The following DERA variants were observed in gnomAD, a reference collection of about 807,000 sequenced individuals.
The protein encoded by DERA is deoxyribose-phosphate aldolase.
In DERA, 15 loss-of-function variants were observed where a neutral mutation model predicts 41.1. The observed-to-expected ratio is 0.37, with a 90% CI of 0.24 to 0.56. The LOEUF (loss-of-function observed/expected upper bound fraction) is 0.56. DERA is among the 20% of genes least tolerant of loss of function. DERA has a pLI of 0.81. For missense variants in DERA, 396 were observed against 403.4 expected, an observed-to-expected ratio of 0.98 and a Z score of 0.16; for synonymous variants, 139 against 137.4, an observed-to-expected ratio of 1.01 and a Z score of -0.08.
In DERA at chr12:15,954,982, T is replaced by A. The variant is rs1405622300; in HGVS notation, c.32-1954T>A. Among the ~76,000 whole-genome samples, 1 of 151,488 alleles carries A rather than the reference T, an allele frequency of 6.6e-6. No individual in the cohort carries two copies. Among genetic ancestry groups the A allele is most frequent in the Non-Finnish European group, 1.5e-5 (1 of 67,902 alleles). On this transcript the variant is annotated intron_variant, in intron 1 of 8. Transcript: ENST00000428559. This position sits in a 1 kb window ranked among gnomAD's most constrained non-coding sequence, Gnocchi z 4.0. Reference sequence around the variant, plus strand: ...TTTACCATGAACCAAATCAGCATTATCAATCATCTGAGGAGAAAAAAAAAA... The same window carrying A: ...TTTACCATGAACCAAATCAGCATTAACAATCATCTGAGGAGAAAAAAAAAA...
intron 6 of DERA, among the ~76,000 whole-genome samples, chr12:15,987,235 T>G (rs1462799082): frequency 1.5e-5 from 2 of 132,948 alleles, no homozygotes. Context: ...ATGTACTTTT[T>G]TTTTTTTTTT....
rs368286741 is a variant in DERA, at chr12:15,968,086, C to CTT, written c.508+5152_508+5153dup. Among the ~76,000 whole-genome samples, 500 of 141,884 alleles carry CTT rather than the reference C, an allele frequency of 3.5e-3. 5 individuals are homozygous for CTT. The highest frequency in any genetic ancestry group is 0.012 in the African/African-American group (448 of 38,614). The allele number at this position is 141,884 out of a possible 152,430, so 93.1% of individuals were successfully genotyped here. A position where few individuals can be genotyped will look rare whatever the true frequency, so the allele number is the denominator to read the frequency against. On this transcript the variant is annotated intron_variant, in intron 5 of 8. Coordinates refer to ENST00000428559, the MANE Select transcript of DERA (RefSeq NM_015954.4). ...TAACTCAGGACTCTTTCTTCTTCTT[C>CTT]TTTTTTTTTTTTTTGACATAATTCC...
In DERA at chr12:15,911,366, T is replaced by C. The variant is rs1948161533; in HGVS notation, c.-18T>C. 2 of 1,405,374 alleles carry C rather than the reference T, an allele frequency of 1.4e-6. No individual in the cohort carries two copies. The highest frequency in any genetic ancestry group is 9.2e-7 in the Non-Finnish European group (1 of 1,091,910). The allele number at this position is 1,405,374 out of a possible 1,614,324, so 87.1% of individuals were successfully genotyped here. A position where few individuals can be genotyped will look rare whatever the true frequency, so the allele number is the denominator to read the frequency against. On this transcript the variant is annotated 5_prime_UTR_variant, in exon 1 of 9. Transcript: ENST00000428559. This position sits in a 1 kb window ranked among gnomAD's most constrained non-coding sequence, Gnocchi z 4.5. ...AGGCGGGCGCCTACCAGCCGGCAGCTCCGGAGCTGCCCGCGCCATGTCCGC... is the reference window on the plus strand; with the variant it reads ...AGGCGGGCGCCTACCAGCCGGCAGCCCCGGAGCTGCCCGCGCCATGTCCGC...
chr12:15,971,386 TC>T (rs1948658451), intron 5 of DERA, among the ~76,000 whole-genome samples: 1 of 152,136 alleles, frequency 6.6e-6, no homozygotes, highest in Non-Finnish European at 1.5e-5. Context: ...GCAAATGAGT[TC>T]ATCTGGCAAA....
chr12:15,930,725 A>G (rs1432965183), intron 1 of DERA, among the ~76,000 whole-genome samples: 2 of 152,258 alleles, frequency 1.3e-5, no homozygotes, highest in South Asian at 4.1e-4. Context: ...AATAGTATGA[A>G]CTCACAAACT....
chr12:15,934,214 A>C (rs908975694), intron 1 of DERA, among the ~76,000 whole-genome samples: 11 of 152,068 alleles, frequency 7.2e-5, no homozygotes, highest in Non-Finnish European at 1.2e-4. Flanking sequence ...ATTCCTGTGA[A>C]TCTCCATCCA....
At chr12:15,926,706 C>T (rs544846436) in intron 1 of DERA, among the ~76,000 whole-genome samples, 46 of 147,392 alleles carry the variant, frequency 3.1e-4, no homozygotes, top group African/African-American at 9.4e-4. Flanking sequence ...ACTGCACTCC[C>T]GCCTGGGGCG....
intron 4 of DERA, among the ~76,000 whole-genome samples, chr12:15,961,509 A>G (rs1044699562): frequency 1.1e-4 from 16 of 144,688 alleles, no homozygotes; most frequent in Non-Finnish European, 1.9e-4. Flanking sequence ...TCTACAAAAA[A>G]ATAAAATAAG....
rs1467872692 is a variant in DERA, at chr12:15,982,890, C to G, written c.637+454C>G. ...TAGTGCAGTATCATTGATTTTTATA[C>G]TTTCAAATATAAGTTGACTTATTCT... On this transcript the variant is annotated intron_variant, in intron 6 of 8. Coordinates refer to ENST00000428559, the MANE Select transcript of DERA (RefSeq NM_015954.4). The surrounding 1 kb of genome is among the most constrained non-coding windows in gnomAD (Gnocchi z 4.0). 6.6e-6 allele frequency among the ~76,000 whole-genome samples: 1 copy of G among 152,200 alleles called. No individual in the cohort carries two copies. Among genetic ancestry groups the G allele is most frequent in the African/African-American group, 2.4e-5 (1 of 41,446 alleles).
In DERA at chr12:15,982,315, T is replaced by C. The variant is rs74992639; in HGVS notation, c.516T>C (p.Tyr172=). The change falls in exon 6 of 9, where the codon TAT becomes TAC. Residue 172 remains tyrosine (Y), a synonymous_variant. Coordinates refer to ENST00000428559, the MANE Select transcript of DERA (RefSeq NM_015954.4). This position sits in a 1 kb window ranked among gnomAD's most constrained non-coding sequence, Gnocchi z 4.0. Reference sequence around the variant, plus strand: ...AATTATTTTCTTCCCCAGCCCTGTATGATGAGATTCGTCAGTTTCGCAAGG... The same window carrying C: ...AATTATTTTCTTCCCCAGCCCTGTACGATGAGATTCGTCAGTTTCGCAAGG... The part of the protein sequence containing the change: ...LVLTGQWEAL[Y]DEIRQFRKAC... 9.3e-6 allele frequency: 15 copies of C among 1,612,800 alleles called. No individual in the cohort carries two copies. In the African/African-American group the frequency reaches 1.7e-4, roughly 19 times the overall value.
chr12:15,928,259 C>T lies in DERA; in HGVS notation c.31+16845C>T, dbSNP rs1257450154. Among the ~76,000 whole-genome samples the T allele has an allele frequency of 6.6e-6, 1 of 152,170 alleles. No homozygotes were observed. Among genetic ancestry groups the T allele is most frequent in the Admixed American group, 6.5e-5 (1 of 15,270 alleles). On this transcript the variant is annotated intron_variant, in intron 1 of 8. Transcript: ENST00000428559. This position sits in a 1 kb window ranked among gnomAD's most constrained non-coding sequence, Gnocchi z 4.6. ...TCTTGTATGACTGAAACTTTGTACC[C>T]TTTGACCATCATCTCTAATTACCTG... is the stretch of plus-strand genomic sequence containing the variant.
rs1050000171 is a variant in DERA at position 15,990,234 on chromosome 12, G to T, written c.637+7798G>T. Among the ~76,000 whole-genome samples, 2 of 152,070 alleles carry T rather than the reference G, an allele frequency of 1.3e-5. No homozygotes were observed. The highest frequency in any genetic ancestry group is 2.9e-5 in the Non-Finnish European group (2 of 67,988). On this transcript the variant is annotated intron_variant, in intron 6 of 8. Transcript: ENST00000428559. This position sits in a 1 kb window ranked among gnomAD's most constrained non-coding sequence, Gnocchi z 4.3. Reference sequence around the variant, plus strand: ...AGGGGAGACAAATGACATTGAGCTGGATTTCTTTCTGTACTGATTCCAAAG... The same window carrying T: ...AGGGGAGACAAATGACATTGAGCTGTATTTCTTTCTGTACTGATTCCAAAG...
At chr12:16,034,300 T>G (rs1165845794) in intron 7 of DERA, among the ~76,000 whole-genome samples, 2 of 152,224 alleles carry the variant, frequency 1.3e-5, no homozygotes, top group African/African-American at 2.4e-5. Context: ...ATGAGTATGT[T>G]CCTTCTCAGG....
Position 16,012,840 on chromosome 12 carries a change from C to T in DERA, c.638-19702C>T, listed in dbSNP as rs1312258967. On this transcript the variant is annotated intron_variant, in intron 6 of 8. Transcript: ENST00000428559. The surrounding 1 kb of genome is among the most constrained non-coding windows in gnomAD (Gnocchi z 4.1). ...ATTAAATGAAGAGAAACAGGTGAAA[C>T]AGTAATTATATTTTATTTAATAAAT... is the stretch of plus-strand genomic sequence containing the variant. Among the ~76,000 whole-genome samples the T allele has an allele frequency of 6.6e-6, 1 of 151,948 alleles. No individual in the cohort carries two copies. The highest frequency in any genetic ancestry group is 1.5e-5 in the Non-Finnish European group (1 of 67,990).
intron 6 of DERA, among the ~76,000 whole-genome samples, chr12:16,018,243 GAAT>G (rs1335516718): frequency 6.6e-6 from 1 of 151,964 alleles, no homozygotes; most frequent in Admixed American, 6.6e-5. Flanking sequence ...TTTCAAAATT[GAAT>G]AATAATTTGA....
In DERA at chr12:15,976,496, T is replaced by C. The variant is rs1335942290; in HGVS notation, c.509-5812T>C. 2.0e-5 allele frequency among the ~76,000 whole-genome samples: 3 copies of C among 152,178 alleles called. No homozygotes were observed. The highest frequency in any genetic ancestry group is 4.4e-5 in the Non-Finnish European group (3 of 68,036). On this transcript the variant is annotated intron_variant, in intron 5 of 8. Transcript: ENST00000428559. The surrounding 1 kb of genome is among the most constrained non-coding windows in gnomAD (Gnocchi z 4.1). Reference sequence around the variant, plus strand: ...CAGTGACATGGGGGCTAGGTTTCTCTCCACCTTCTTGGCAGTGTGTGGCTG... The same window carrying C: ...CAGTGACATGGGGGCTAGGTTTCTCCCCACCTTCTTGGCAGTGTGTGGCTG...
intron 6 of DERA, among the ~76,000 whole-genome samples, chr12:16,007,279 G>A (rs1209900981): frequency 2.6e-5 from 4 of 151,806 alleles, no homozygotes; most frequent in Non-Finnish European, 4.4e-5. Context: ...CGCCTCCGGG[G>A]TTCAAGTGAT....
At chr12:15,952,537 A>T (rs932587876) in intron 1 of DERA, among the ~76,000 whole-genome samples, 16 of 152,234 alleles carry the variant, frequency 1.1e-4, no homozygotes, top group Admixed American at 2.0e-4. Context: ...CACATTATAA[A>T]AAAAATAAAA....
At chr12:15,932,933 T>A (rs548864379) in intron 1 of DERA, among the ~76,000 whole-genome samples, 217 of 152,334 alleles carry the variant, frequency 1.4e-3, no homozygotes, top group African/African-American at 4.9e-3. Flanking sequence ...AAGTGAACCC[T>A]TTATGTGGTA....
Sources: allele counts gnomAD v4.1 joint callset (sites outside exome capture counted in the v4.1 genomes callset), GRCh38; gene constraint gnomAD v4.1.1; non-coding constraint Gnocchi (gnomAD v3.1); transcripts MANE v1.5; gene names NCBI Gene and HGNC (gene_info 2026-07-23, HGNC 2026-07-21).